Variants in RBMS3 observed in about 807,000 individuals in gnomAD.
RBMS3 encodes the protein RNA binding motif single stranded interacting protein 3.
RBMS3 carries 27 observed loss-of-function variants against 66.8 expected under a neutral mutation model. The observed-to-expected ratio is 0.40, with a 90% CI of 0.30 to 0.56. The LOEUF (loss-of-function observed/expected upper bound fraction) is 0.56, where lower values mean the gene tolerates loss of function less well. RBMS3 is among the 20% of genes least tolerant of loss of function. The pLI, the probability that RBMS3 is intolerant of heterozygous loss-of-function variation, is 0.40. For missense variants in RBMS3, 513 were observed against 549.5 expected (o/e 0.93, Z 0.66); for synonymous variants, 188 against 183.0 (o/e 1.03, Z -0.22).
chr3:29,586,990 G>T, intron 3 of RBMS3, 124 bp from the exon 4 acceptor site: 4 of 649,898 alleles, frequency 6.2e-6, no homozygotes, highest in Non-Finnish European at 1.0e-5. Flanking sequence ...AGAGCCTAAT[G>T]TTCAACCAGG....
At chr3:29,913,394 T>C (rs1577130080) in intron 10 of RBMS3, among the ~76,000 whole-genome samples, 1 of 152,112 alleles carries the variant, frequency 6.6e-6, no homozygotes, top group East Asian at 1.9e-4. Context: ...ATACAAATAG[T>C]TCAGTTGGCG....
chr3:29,474,714 A>G (rs2042885256), intron 2 of RBMS3, among the ~76,000 whole-genome samples: 1 of 152,238 alleles, frequency 6.6e-6, no homozygotes, highest in African/African-American at 2.4e-5. Context: ...GGTCTAGAAG[A>G]AGCTTTTAAT....
At chr3:29,978,861 G>A (rs752712916) in intron 12 of RBMS3, among the ~76,000 whole-genome samples, 93 of 152,206 alleles carry the variant, frequency 6.1e-4, no homozygotes, top group African/African-American at 2.0e-3. Flanking sequence ...GGGGCTGGGC[G>A]TGGGGGCTCA....
At chr3:29,631,612 G>T (rs555557991) in intron 4 of RBMS3, among the ~76,000 whole-genome samples, 1 of 151,902 alleles carries the variant, frequency 6.6e-6, no homozygotes, top group Non-Finnish European at 1.5e-5. Context: ...AACAAAATTT[G>T]ACCCTAACCA....
intron 1 of RBMS3, among the ~76,000 whole-genome samples, chr3:29,337,171 A>T (rs2036005170): frequency 6.6e-6 from 1 of 152,182 alleles, no homozygotes; most frequent in African/African-American, 2.4e-5. Context: ...AAATATTTGT[A>T]AACTAATGAA....
chr3:29,546,217 A>G (rs910857455), intron 3 of RBMS3, among the ~76,000 whole-genome samples: 3 of 151,550 alleles, frequency 2.0e-5, no homozygotes, highest in African/African-American at 7.3e-5. Context: ...AGCTCATTTA[A>G]TCTTCATGAC....
intron 6 of RBMS3, among the ~76,000 whole-genome samples, chr3:29,816,281 CGCACACACAG>C (rs2057894815): frequency 2.7e-5 from 4 of 150,078 alleles, no homozygotes; most frequent in Non-Finnish European, 4.4e-5. Flanking sequence ...CCCCTGTGCG[CGCACACACAG>C]ACACACACAG....
chr3:29,418,393 A>G (rs1388731757), intron 1 of RBMS3, among the ~76,000 whole-genome samples: 3 of 152,168 alleles, frequency 2.0e-5, no homozygotes, highest in Non-Finnish European at 2.9e-5. Flanking sequence ...ATATGACACT[A>G]ATTGACTTTG....
intron 1 of RBMS3, among the ~76,000 whole-genome samples, chr3:29,331,878 T>G (rs979826766): frequency 1.4e-5 from 2 of 148,072 alleles, no homozygotes; most frequent in East Asian, 2.1e-4. Flanking sequence ...TCTCCTGTGC[T>G]GTTTCTGAAA....
chr3:29,379,250 C>G (rs900489478), intron 1 of RBMS3, among the ~76,000 whole-genome samples: 1 of 152,208 alleles, frequency 6.6e-6, no homozygotes, highest in African/African-American at 2.4e-5. Flanking sequence ...ATTCTAACCT[C>G]TTTCACCTAA....
At chr3:29,714,544 G>C (rs867195241) in intron 4 of RBMS3, among the ~76,000 whole-genome samples, 1 of 152,154 alleles carries the variant, frequency 6.6e-6, no homozygotes, top group East Asian at 1.9e-4. Context: ...AAAATCATGA[G>C]ACTTGGTAAC....
intron 1 of RBMS3, among the ~76,000 whole-genome samples, chr3:29,305,373 C>T (rs921266053): frequency 6.6e-6 from 1 of 151,936 alleles, no homozygotes; most frequent in Non-Finnish European, 1.5e-5. Flanking sequence ...TGATCTATTA[C>T]ATTCTTTGTT....
intron 4 of RBMS3, among the ~76,000 whole-genome samples, chr3:29,664,210 C>T (rs1022428225): frequency 2.6e-5 from 4 of 152,094 alleles, no homozygotes; most frequent in African/African-American, 9.7e-5. Flanking sequence ...TCTTACTGGG[C>T]CAGGCACGGC....
intron 8 of RBMS3, 126 bp from the exon 9 acceptor site, chr3:29,897,253 T>C (rs1469600456): frequency 4.0e-6 from 3 of 757,048 alleles, no homozygotes; most frequent in Non-Finnish European, 4.6e-6. Flanking sequence ...TAGACGTTCT[T>C]GTTAATGGTT....
At chr3:29,410,600 T>C (rs2040224562) in intron 1 of RBMS3, among the ~76,000 whole-genome samples, 1 of 152,214 alleles carries the variant, frequency 6.6e-6, no homozygotes, top group Non-Finnish European at 1.5e-5. Context: ...TTATTGCCTC[T>C]AATATTTGAT....
chr3:29,403,472 C>G (rs2039893206), intron 1 of RBMS3, among the ~76,000 whole-genome samples: 1 of 151,962 alleles, frequency 6.6e-6, no homozygotes, highest in Non-Finnish European at 1.5e-5. Context: ...ACTTTGCCAT[C>G]TTTCTATCAA....
intron 1 of RBMS3, among the ~76,000 whole-genome samples, chr3:29,364,079 A>G (rs2125587583): frequency 6.6e-6 from 1 of 152,218 alleles, no homozygotes; most frequent in South Asian, 2.1e-4. Context: ...AGGTACAGGA[A>G]TGTTTATTGC....
At chr3:29,579,698 A>G (rs945133108) in intron 3 of RBMS3, among the ~76,000 whole-genome samples, 20 of 152,220 alleles carry the variant, frequency 1.3e-4, no homozygotes, top group Non-Finnish European at 8.8e-5. Flanking sequence ...AGCTCAAACA[A>G]GACATATATT....
At chr3:29,623,166 T>G in intron 4 of RBMS3, among the ~76,000 whole-genome samples, 1 of 92,692 alleles carries the variant, frequency 1.1e-5, no homozygotes, top group Non-Finnish European at 2.0e-5. Flanking sequence ...GGGATTAAAT[T>G]AACTTGGGGG....
Sources: gnomAD v4.1 joint callset for allele counts (sites outside exome capture counted in the v4.1 genomes callset) on GRCh38, gnomAD v4.1.1 for gene constraint, MANE v1.5 for transcripts, NCBI Gene and HGNC (gene_info 2026-07-23, HGNC 2026-07-21) for gene names.